KLRC3: variants seen among roughly 807,000 people sequenced by gnomAD.
The protein encoded by KLRC3 is NKG2-E type II integral membrane protein.
KLRC3 carries 16 observed loss-of-function variants against 23.6 expected under a neutral mutation model. The ratio of observed to expected loss-of-function variants is 0.68; its 90% CI spans 0.46 to 1.03. The LOEUF (loss-of-function observed/expected upper bound fraction) is 1.03. Among genes scored for constraint, KLRC3 ranks in the 50% least tolerant of loss-of-function variants. The pLI is 0.00. For missense variants in KLRC3, 209 were observed against 232.2 expected, an observed-to-expected ratio of 0.90 and a Z score of 0.65; for synonymous variants, 70 against 71.8, an observed-to-expected ratio of 0.98 and a Z score of 0.13.
rs1364540879 is a variant in KLRC3, at chr12:10,419,933, G to C, written c.219C>G (p.Ala73=). Reference sequence around the variant, plus strand: ...CAATGCAAATGATTCCTAGGACCTCGGCAGTGAGCTTTTCTGGAGGTGGCA... The same window carrying C: ...CAATGCAAATGATTCCTAGGACCTCCGCAGTGAGCTTTTCTGGAGGTGGCA... ...GLLPPPEKLT[A]EVLGIICIVL... The change falls in exon 2 of 7, where the codon GCC becomes GCG. Residue 73 remains alanine (A), a synonymous_variant. Coordinates refer to ENST00000396439, the MANE Select transcript of KLRC3 (RefSeq NM_002261.3). 2 of 522,702 alleles carry C rather than the reference G, an allele frequency of 3.8e-6. No homozygotes were observed. Among genetic ancestry groups the C allele is most frequent in the Non-Finnish European group, 6.7e-6 (2 of 298,658 alleles). The allele number at this position is 522,702 out of a possible 1,614,324, so 32.4% of individuals were successfully genotyped here.
intron 6 of KLRC3, among the ~76,000 whole-genome samples, chr12:10,414,284 A>T (rs906844821): frequency 5.9e-5 from 9 of 152,112 alleles, no homozygotes; most frequent in Non-Finnish European, 1.3e-4. Context: ...ATTCTAAGTA[A>T]TAAAAAATAA....
Position 10,416,837 on chromosome 12 carries a change from T to G in KLRC3, c.487-70A>C, listed in dbSNP as rs1863652116. 3 of 1,368,400 alleles carry G rather than the reference T, an allele frequency of 2.2e-6. No homozygotes were observed. The South Asian group carries it at 4.6e-5, about 21-fold the overall frequency. The allele number at this position is 1,368,400 out of a possible 1,614,324, so 84.8% of individuals were successfully genotyped here. ...ACATTACAAAAACAATATATTAAAG[T>G]TGAAAACCACTATTTGCAGTGCCAA... is the stretch of plus-strand genomic sequence containing the variant. On this transcript the variant is annotated intron_variant, in intron 4 of 6. Transcript: ENST00000396439.
chr12:10,413,647 A>G (rs1863602227), intron 6 of KLRC3, among the ~76,000 whole-genome samples: 1 of 152,132 alleles, frequency 6.6e-6, no homozygotes, highest in Admixed American at 6.5e-5. Context: ...TTATTATTAT[A>G]TTTTAAGTTC....
At chr12:10,417,455 C>T (rs1303244385) in intron 4 of KLRC3, among the ~76,000 whole-genome samples, 2 of 152,100 alleles carry the variant, frequency 1.3e-5, no homozygotes, top group African/African-American at 4.8e-5. Context: ...GTGACCTAGG[C>T]CTGCTGTTTC....
chr12:10,415,500 A>G (rs1346812019), intron 6 of KLRC3: 1 of 831,218 alleles, frequency 1.2e-6, no homozygotes, highest in African/African-American at 1.7e-5. Flanking sequence ...AATGAGCCTG[A>G]CTTAAATGCG....
intron 6 of KLRC3, among the ~76,000 whole-genome samples, chr12:10,414,774 GAA>G (rs901451905): frequency 7.0e-6 from 1 of 143,864 alleles, no homozygotes; most frequent in East Asian, 2.0e-4. Context: ...AATAAAAAAA[GAA>G]AAAAAAAGAA....
chr12:10,412,352 G>A lies in KLRC3; in HGVS notation c.*220C>T. ...ATTTATTTTCCAATCATAACGGTCTGCATTTTAATATTAATATTTGTTGTA... is the reference window on the plus strand; with the variant it reads ...ATTTATTTTCCAATCATAACGGTCTACATTTTAATATTAATATTTGTTGTA... On this transcript the variant is annotated 3_prime_UTR_variant, in exon 7 of 7. Transcript: ENST00000396439. 1 of 567,522 alleles carries A rather than the reference G, an allele frequency of 1.8e-6. No individual in the cohort carries two copies. The highest frequency in any genetic ancestry group is 3.1e-6 in the Non-Finnish European group (1 of 323,166). 35.2% of individuals were successfully genotyped at this position (567,522 alleles called of 1,614,324 possible).
At chr12:10,417,140 A>C (rs1192326085) in intron 4 of KLRC3, among the ~76,000 whole-genome samples, 1 of 133,038 alleles carries the variant, frequency 7.5e-6, no homozygotes, top group East Asian at 2.2e-4. Context: ...TTCAGAAATA[A>C]ATGACATGGA....
chr12:10,417,689 C>G (rs556831900), intron 4 of KLRC3, among the ~76,000 whole-genome samples: 4 of 152,274 alleles, frequency 2.6e-5, no homozygotes, highest in African/African-American at 7.2e-5. Flanking sequence ...CCAGGGTCCT[C>G]TTTGCCCCTG....
chr12:10,414,777 A>G (rs1863616716), intron 6 of KLRC3, among the ~76,000 whole-genome samples: 1 of 151,984 alleles, frequency 6.6e-6, no homozygotes. Context: ...AAAAAAAGAA[A>G]AAAAAAGAAA....
chr12:10,415,908 T>G, intron 5 of KLRC3, 114 bp from the exon 6 acceptor site: 1 of 736,708 alleles, frequency 1.4e-6, no homozygotes, highest in Non-Finnish European at 2.3e-6. Flanking sequence ...GTAATTAAAT[T>G]TTTCATATGC....
In KLRC3 at chr12:10,415,717, G is replaced by A; in HGVS notation, c.665C>T (p.Ser222Phe). 6.2e-7 allele frequency: 1 copy of A among 1,613,652 alleles called. No homozygotes were observed. Among genetic ancestry groups the A allele is most frequent in the Non-Finnish European group, 8.5e-7 (1 of 1,179,674 alleles). Residue 222 changes from serine to phenylalanine, a missense_variant, in exon 6 of 7, where the codon TCT (serine) becomes TTT (phenylalanine). Physicochemically the swap from Ser to Phe is radical, Grantham distance 155. This residue lies in a region of KLRC3 where 74 missense variants were observed against 51.0 expected (regional missense o/e 1.45). Coordinates refer to ENST00000396439, the MANE Select transcript of KLRC3 (RefSeq NM_002261.3). ...VRGLISDQCG[S>F]SRIIRRGFIM... ...GCTTATGCTCACAATGATTCTTGAA[G>A]ATCCACACTGGTCTGATATAAGTCC... is the stretch of plus-strand genomic sequence containing the variant.
chr12:10,415,817 A>G (rs1479973775), intron 5 of KLRC3, 23 bp from the exon 6 acceptor site: 2 of 1,536,314 alleles, frequency 1.3e-6, no homozygotes, highest in Admixed American at 1.7e-5. Context: ...AAAATCCATA[A>G]TTCTGTTACA....
rs2137859805 is a variant in KLRC3 at position 10,418,363 on chromosome 12, A to G, written c.467T>C (p.Ile156Thr). ...ASKNSSSLLC[I>T]DNEEEMKFLA... is the part of the protein sequence containing the mutation. Reference sequence around the variant, plus strand: ...TCTTACCATTTCTTCTTCATTATCTATACAAAGCAGACTAGAAGAGTTCTT... The same window carrying G: ...TCTTACCATTTCTTCTTCATTATCTGTACAAAGCAGACTAGAAGAGTTCTT... Residue 156 changes from isoleucine to threonine, a missense_variant, in exon 4 of 7, where the codon ATA (isoleucine) becomes ACA (threonine). Physicochemically the swap from Ile to Thr is moderately conservative, Grantham distance 89 (BLOSUM62 -1). This residue lies in a region of KLRC3 where 109 missense variants were observed against 113.2 expected (regional missense o/e 0.96). Coordinates refer to ENST00000396439, the MANE Select transcript of KLRC3 (RefSeq NM_002261.3). 1 of 1,608,676 alleles carries G rather than the reference A, an allele frequency of 6.2e-7. No homozygotes were observed. The highest frequency in any genetic ancestry group is 8.5e-7 in the Non-Finnish European group (1 of 1,175,952).
chr12:10,418,429 T>C lies in KLRC3; in HGVS notation c.401A>G (p.Glu134Gly). Residue 134 changes from glutamate (E) to glycine (G), a missense_variant, in exon 4 of 7, where the codon GAA becomes GGA. By Grantham distance (98) the Glu-to-Gly change is moderately conservative. Transcript: ENST00000396439. ...YSNSCYYIGK[E>G]RRTWEESLQA... ...CAAACTCTCTTCCCAAGTTCTTCTT[T>C]CCTTACCAATGTAATAACAACTGTT... 2 of 1,611,198 alleles carry C rather than the reference T, an allele frequency of 1.2e-6. No homozygotes were observed. The highest frequency in any genetic ancestry group is 1.7e-6 in the Non-Finnish European group (2 of 1,177,412).
chr12:10,418,199 A>C lies in KLRC3; in HGVS notation c.486+145T>G, dbSNP rs1863672016. The C allele has an allele frequency of 6.0e-6, 5 of 835,826 alleles. No homozygotes were observed. The East Asian group carries it at 1.4e-4, about 23-fold the overall frequency. 51.8% of individuals were successfully genotyped at this position (835,826 alleles called of 1,614,324 possible). ...ACATTAGCGGTATATAACTTTAAAA[A>C]CATTATTAAGTCAATCAACTGAATA... On this transcript the variant is annotated intron_variant, in intron 4 of 6. Transcript: ENST00000396439.
rs561027241 is a variant in KLRC3, at chr12:10,416,631, A to T, written c.587+36T>A. 3 of 1,577,064 alleles carry T rather than the reference A, an allele frequency of 1.9e-6. No homozygotes were observed. The South Asian group carries it at 3.5e-5, about 19-fold the overall frequency. On this transcript the variant is annotated intron_variant, in intron 5 of 6. Coordinates refer to ENST00000396439, the MANE Select transcript of KLRC3 (RefSeq NM_002261.3). ...TATTATTCTTCTGAATTTATCCTTT[A>T]TATTTTTTTATATAGCACCCTATAA... is the stretch of plus-strand genomic sequence containing the variant.
In KLRC3 at chr12:10,418,446, A is replaced by C. The variant is rs756737247; in HGVS notation, c.384T>G (p.Cys128Trp). 4.4e-6 allele frequency: 7 copies of C among 1,608,384 alleles called. No individual in the cohort carries two copies. In the Admixed American group the frequency reaches 6.7e-5, roughly 15 times the overall value. Residue 128 changes from cysteine to tryptophan, a missense_variant, in exon 4 of 7, where the codon TGT (cysteine) becomes TGG (tryptophan). Around this residue, in one of 4 missense-constraint regions of KLRC3, gnomAD observed 109 missense variants for 113.2 expected, o/e 0.96. Coordinates refer to ENST00000396439, the MANE Select transcript of KLRC3 (RefSeq NM_002261.3). ...PEEWITYSNS[C>W]YYIGKERRTW... ...TTCTTCTTTCCTTACCAATGTAATA[A>C]CAACTGTTGGAATATGTAATCCACT...
chr12:10,415,624 T>A (rs1176356724), intron 6 of KLRC3, 80 bp downstream of exon 6: 1 of 1,594,618 alleles, frequency 6.3e-7, no homozygotes, highest in Non-Finnish European at 8.5e-7. Context: ...AATCATAATA[T>A]CATTTCTGTT....
Sources: gnomAD v4.1 joint callset for allele counts (sites outside exome capture counted in the v4.1 genomes callset) on GRCh38, gnomAD v4.1.1 for gene constraint, gnomAD v4.1.1 regional missense constraint, MANE v1.5 for transcripts, NCBI Gene and HGNC (gene_info 2026-07-23, HGNC 2026-07-21) for gene names.